The following UGT1A5 variants were observed in gnomAD, a reference collection of about 807,000 sequenced individuals.
UGT1A5 encodes the protein UDP glucuronosyltransferase family 1 member A5, also known as UDP-glucuronosyltransferase 1A5.
UGT1A5 carries 29 observed loss-of-function variants against 40.3 expected under a neutral mutation model. That is an observed-to-expected ratio of 0.72 (90% confidence interval 0.54 to 0.98). UGT1A5 has a LOEUF of 0.98. Ranked by LOEUF, UGT1A5 falls within the 50% of genes least tolerant of loss-of-function variation. The pLI, the probability that UGT1A5 is intolerant of heterozygous loss-of-function variation, is 0.00. For missense variants in UGT1A5, 678 were observed against 677.9 expected (o/e 1.00, Z 0.00); for synonymous variants, 257 against 262.5 (o/e 0.98, Z 0.20).
chr2:233,724,499 A>T, intron 1 of UGT1A5, among the ~76,000 whole-genome samples: 1 of 77,576 alleles, frequency 1.3e-5, no homozygotes, highest in Admixed American at 1.3e-4. Context: ...GGCCGGGCAG[A>T]GACGCTCCTC....
intron 1 of UGT1A5, among the ~76,000 whole-genome samples, chr2:233,727,500 G>A (rs1156427094): frequency 6.6e-6 from 1 of 152,198 alleles, no homozygotes; most frequent in Non-Finnish European, 1.5e-5. Flanking sequence ...GAACATGGGA[G>A]CCCATGAATG....
chr2:233,745,785 G>T (rs902358677), intron 1 of UGT1A5, among the ~76,000 whole-genome samples: 5 of 150,990 alleles, frequency 3.3e-5, no homozygotes, highest in Admixed American at 1.3e-4. Flanking sequence ...CTTAGACAGG[G>T]GGGCTGGGGT....
intron 1 of UGT1A5, among the ~76,000 whole-genome samples, chr2:233,727,559 C>G (rs1406536864): frequency 6.6e-6 from 1 of 152,176 alleles, no homozygotes; most frequent in Non-Finnish European, 1.5e-5. Flanking sequence ...CTGGGCTCAT[C>G]ATGAGGGTGC....
rs1321370763 is a variant in UGT1A5 at position 233,760,541 on chromosome 2, G to A, written c.868-6493G>A. 6.2e-7 allele frequency: 1 copy of A among 1,614,268 alleles called. No homozygotes were observed. Among genetic ancestry groups the A allele is most frequent in the Non-Finnish European group, 8.5e-7 (1 of 1,180,050 alleles). On this transcript the variant is annotated intron_variant, in intron 1 of 4. Coordinates refer to ENST00000373414, the MANE Select transcript of UGT1A5 (RefSeq NM_019078.2). ...AAGACGTACCCTGTGCCATTCCAAA[G>A]GGAGGATGTGAAAGAGTCTTTTGTT... is the stretch of plus-strand genomic sequence containing the variant.
intron 1 of UGT1A5, chr2:233,719,588 G>C (rs771890679): frequency 1.9e-6 from 3 of 1,614,000 alleles, no homozygotes; most frequent in Non-Finnish European, 2.5e-6. Flanking sequence ...CCGTGTGGCT[G>C]TTCCGAGGGG....
chr2:233,762,716 G>A (rs1165030295), intron 1 of UGT1A5, among the ~76,000 whole-genome samples: 4 of 149,682 alleles, frequency 2.7e-5, no homozygotes, highest in African/African-American at 7.3e-5. Flanking sequence ...TATTTTACAC[G>A]GTTTTTTTTT....
intron 4 of UGT1A5, 25 bp downstream of exon 4, chr2:233,768,464 A>G (rs902987402): frequency 1.9e-6 from 3 of 1,606,818 alleles, no homozygotes; most frequent in Non-Finnish European, 2.6e-6. Flanking sequence ...ACAGAAGAAT[A>G]CTTTGGTCAT....
chr2:233,766,514 T>C (rs1164692574), intron 1 of UGT1A5, among the ~76,000 whole-genome samples: 2 of 152,060 alleles, frequency 1.3e-5, no homozygotes, highest in South Asian at 2.1e-4. Flanking sequence ...TTTTGGGAAA[T>C]GAAACATTTA....
Position 233,713,779 on chromosome 2 carries a change from T to G in UGT1A5, c.788T>G (p.Met263Arg). 6.2e-7 allele frequency: 1 copy of G among 1,614,034 alleles called. No individual in the cohort carries two copies. Among genetic ancestry groups the G allele is most frequent in the Non-Finnish European group, 8.5e-7 (1 of 1,179,942 alleles). ...SVWLFRGDFV[M>R]DYPRPIMPNM... The stretch of plus-strand genomic sequence containing the variant: ...TGGCTGTTCCGAGGGGACTTTGTGA[T>G]GGATTACCCCAGGCCGATCATGCCC... Residue 263 changes from methionine to arginine, a missense_variant, in exon 1 of 5, where the codon ATG becomes AGG. Coordinates refer to ENST00000373414, the MANE Select transcript of UGT1A5 (RefSeq NM_019078.2).
At chr2:233,714,443 C>T (rs1316145687) in intron 1 of UGT1A5, among the ~76,000 whole-genome samples, 1 of 152,048 alleles carries the variant, frequency 6.6e-6, no homozygotes, top group Non-Finnish European at 1.5e-5. Flanking sequence ...AGTTCAGTTT[C>T]CAGAGAGGGA....
intron 4 of UGT1A5, chr2:233,771,032 G>A (rs560864303): frequency 1.4e-4 from 22 of 152,232 alleles, no homozygotes; most frequent in African/African-American, 4.8e-4. Flanking sequence ...AGTTGGGGGG[G>A]AAGGTGCCAC....
At chr2:233,728,928 C>G (rs545859432) in intron 1 of UGT1A5, among the ~76,000 whole-genome samples, 4,928 of 152,196 alleles carry the variant, frequency 0.032, 259 homozygotes, top group African/African-American at 0.11. Context: ...TAGTCATGAT[C>G]GGTCTTTTCC....
chr2:233,722,354 A>G (rs2077008868), intron 1 of UGT1A5, among the ~76,000 whole-genome samples: 2 of 152,262 alleles, frequency 1.3e-5, no homozygotes, highest in African/African-American at 4.8e-5. Flanking sequence ...CTACAAATAT[A>G]CAAGACTAAA....
At chr2:233,729,380 C>T (rs1362745678) in intron 1 of UGT1A5, 2 of 1,613,892 alleles carry the variant, frequency 1.2e-6, no homozygotes, top group Admixed American at 3.3e-5. Flanking sequence ...ATTTCGTGGA[C>T]CCAGGATGAA....
chr2:233,754,909 T>C (rs754885290), intron 1 of UGT1A5: 1 of 1,353,004 alleles, frequency 7.4e-7, no homozygotes, highest in Non-Finnish European at 9.9e-7. Flanking sequence ...CCCAAAATAT[T>C]CTCCAGCGGG....
At chr2:233,743,384 A>G in intron 1 of UGT1A5, 4 of 1,202,216 alleles carry the variant, frequency 3.3e-6, no homozygotes, top group Non-Finnish European at 4.5e-6. Context: ...CTACCGTAGG[A>G]CATGCAGAAG....
At chr2:233,720,301 T>C (rs1312639671) in intron 1 of UGT1A5, among the ~76,000 whole-genome samples, 1 of 151,768 alleles carries the variant, frequency 6.6e-6, no homozygotes, top group Non-Finnish European at 1.5e-5. Flanking sequence ...GAGTTGGGGG[T>C]CTGGTGTATG....
Position 233,718,831 on chromosome 2 carries a change from G to A in UGT1A5, c.867+4973G>A, listed in dbSNP as rs1317647482. ...GTGGCTTCTGCTGAGATGGCCAGAG[G>A]ACTCCAGGTTCCCCTGCCGCGGCTG... is the stretch of plus-strand genomic sequence containing the variant. On this transcript the variant is annotated intron_variant, in intron 1 of 4. Transcript: ENST00000373414. 1 of 1,613,578 alleles carries A rather than the reference G, an allele frequency of 6.2e-7. No homozygotes were observed. Among genetic ancestry groups the A allele is most frequent in the Non-Finnish European group, 8.5e-7 (1 of 1,179,966 alleles).
intron 1 of UGT1A5, among the ~76,000 whole-genome samples, chr2:233,715,914 T>C (rs554442850): frequency 1.6e-4 from 24 of 152,214 alleles, no homozygotes; most frequent in Non-Finnish European, 3.1e-4. Context: ...GGGAGGATCA[T>C]TGAGCTCAGG....
Sources: gnomAD v4.1 joint callset for allele counts (sites outside exome capture counted in the v4.1 genomes callset) on GRCh38, gnomAD v4.1.1 for gene constraint, MANE v1.5 for transcripts, NCBI Gene and HGNC (gene_info 2026-07-23, HGNC 2026-07-21) for gene names.